Variants in GAB1 observed in about 807,000 individuals in gnomAD.
GAB1 encodes the protein GRB2-associated-binding protein 1.
GAB1 carries 19 observed loss-of-function variants against 66.5 expected under a neutral mutation model. That is an observed-to-expected ratio of 0.29 (90% confidence interval 0.20 to 0.42). GAB1 has a LOEUF of 0.42. Among genes scored for constraint, GAB1 ranks in the 10% least tolerant of loss-of-function variants. GAB1 has a pLI of 1.00. For missense variants in GAB1, 732 were observed against 858.5 expected, an observed-to-expected ratio of 0.85 and a Z score of 1.84; for synonymous variants, 294 against 301.4, an observed-to-expected ratio of 0.98 and a Z score of 0.25.
chr4:143,350,036 C>T, intron 1 of GAB1: 1 of 1,552,776 alleles, frequency 6.4e-7, no homozygotes, highest in Non-Finnish European at 8.7e-7. Context: ...CTGCCGAAAC[C>T]TCCGCGGAAG....
At chr4:143,354,157 A>G (rs1397845608) in intron 1 of GAB1, among the ~76,000 whole-genome samples, 1 of 152,180 alleles carries the variant, frequency 6.6e-6, no homozygotes, top group Non-Finnish European at 1.5e-5. Flanking sequence ...CACTTTGAAG[A>G]CTGGGCTCAG....
intron 1 of GAB1, among the ~76,000 whole-genome samples, chr4:143,398,665 G>T (rs1731585423): frequency 6.6e-6 from 1 of 151,746 alleles, no homozygotes; most frequent in Middle Eastern, 3.4e-3. Flanking sequence ...GGGGTAGGTG[G>T]GTGAGGGGGT....
intron 1 of GAB1, among the ~76,000 whole-genome samples, chr4:143,394,476 A>G (rs1415646849): frequency 1.3e-5 from 2 of 152,182 alleles, no homozygotes; most frequent in Admixed American, 1.3e-4. Flanking sequence ...GCAGAAATAA[A>G]TTTTTATCAT....
At chr4:143,390,797 C>G (rs1404664257) in intron 1 of GAB1, among the ~76,000 whole-genome samples, 1 of 152,050 alleles carries the variant, frequency 6.6e-6, no homozygotes, top group Non-Finnish European at 1.5e-5. Context: ...ATTCAGGCAC[C>G]CAGATTTCTT....
At chr4:143,426,073 A>G (rs1438503575) in intron 2 of GAB1, 15 of 558,840 alleles carry the variant, frequency 2.7e-5, no homozygotes. Context: ...TGAAGACTTG[A>G]CATTACATGG....
intron 1 of GAB1, among the ~76,000 whole-genome samples, chr4:143,410,144 T>A (rs1288415339): frequency 6.6e-6 from 1 of 152,024 alleles, no homozygotes; most frequent in Non-Finnish European, 1.5e-5. Flanking sequence ...TCTGATCTTC[T>A]CTCTTGCCTG....
chr4:143,407,126 CTA>C (rs1732089113), intron 1 of GAB1, among the ~76,000 whole-genome samples: 1 of 152,140 alleles, frequency 6.6e-6, no homozygotes, highest in Non-Finnish European at 1.5e-5. Flanking sequence ...AACCTTGAAA[CTA>C]TACAATATTA....
intron 1 of GAB1, among the ~76,000 whole-genome samples, chr4:143,402,271 T>G (rs1342684278): frequency 6.6e-6 from 1 of 152,228 alleles, no homozygotes; most frequent in Non-Finnish European, 1.5e-5. Flanking sequence ...TCCAGGTTGA[T>G]TGAAGCATTA....
intron 1 of GAB1, among the ~76,000 whole-genome samples, chr4:143,412,644 G>T (rs1028501719): frequency 2.0e-5 from 3 of 152,170 alleles, no homozygotes; most frequent in Non-Finnish European, 4.4e-5. Flanking sequence ...CTAAAACTAT[G>T]CTATTAGTTT....
chr4:143,383,731 A>G (rs1247541435), intron 1 of GAB1, among the ~76,000 whole-genome samples: 3 of 152,180 alleles, frequency 2.0e-5, no homozygotes, highest in Non-Finnish European at 4.4e-5. Context: ...TCTTTTAAAT[A>G]TCTGCATAGT....
rs544760402 is a variant in GAB1 at position 143,466,954 on chromosome 4, C to T, written c.1926+729C>T. On this transcript the variant is annotated intron_variant, in intron 9 of 9. Transcript: ENST00000262994. The stretch of plus-strand genomic sequence containing the variant: ...CTTATTATATAACAATGTTTATTTA[C>T]ATTTTCCTACATGTTGACCAGCTTC... 3.1e-4 allele frequency among the ~76,000 whole-genome samples: 47 copies of T among 152,286 alleles called. 1 individual carries two copies. In the South Asian group the frequency reaches 8.9e-3, roughly 29 times the overall value.
rs55654321 is a variant in GAB1 at position 143,459,359 on chromosome 4, ATCTCTTTT to A, written c.1586-14_1586-7del. 825 of 1,371,622 alleles carry A rather than the reference ATCTCTTTT, an allele frequency of 6.0e-4. No individual in the cohort carries two copies. Among genetic ancestry groups the A allele is most frequent in the Non-Finnish European group, 8.2e-4 (790 of 961,378 alleles). The allele number at this position is 1,371,622 out of a possible 1,614,324, so 85.0% of individuals were successfully genotyped here. A position where few individuals can be genotyped will look rare whatever the true frequency, so the allele number is the denominator to read the frequency against. ...TTTTCCAAAGTTCTGTATACTAAAA[ATCTCTTTT>A]TCTCTTTTTCTTTTCAGTCAAGCCA... On this transcript the variant is annotated intron_variant, in intron 6 of 9. Coordinates refer to ENST00000262994, the MANE Select transcript of GAB1 (RefSeq NM_002039.4).
At position 143,378,620 on chromosome 4, in the gene GAB1, T is replaced by G. The variant is rs558255594; in HGVS notation, c.73-36857T>G. The stretch of plus-strand genomic sequence containing the variant: ...CTTTTTTGTGACAGCCTATTGGAAC[T>G]TCCAAAGTGTCTCTCTCTCTCTCTC... On this transcript the variant is annotated intron_variant, in intron 1 of 9. Transcript: ENST00000262994. Among the ~76,000 whole-genome samples, 143 of 146,734 alleles carry G rather than the reference T, an allele frequency of 9.7e-4. 9 individuals are homozygous for G. The South Asian group carries it at 0.031, about 32-fold the overall frequency.
At chr4:143,373,868 A>AATAAATAAATAAAT in intron 1 of GAB1, among the ~76,000 whole-genome samples, 3 of 93,670 alleles carry the variant, frequency 3.2e-5, no homozygotes, top group African/African-American at 4.6e-5. Context: ...TAAATAAATA[A>AATAAATAAATAAAT]ATATATATAT....
intron 1 of GAB1, among the ~76,000 whole-genome samples, chr4:143,411,532 C>T (rs1469298488): frequency 6.6e-6 from 1 of 152,160 alleles, no homozygotes; most frequent in Admixed American, 6.5e-5. Context: ...GAAAGCCTGT[C>T]CTTTTTGTCT....
chr4:143,389,221 G>A (rs1731064467), intron 1 of GAB1, among the ~76,000 whole-genome samples: 1 of 152,170 alleles, frequency 6.6e-6, no homozygotes, highest in Admixed American at 6.5e-5. Flanking sequence ...TCCTTCCTCT[G>A]TCTTTTTAAC....
chr4:143,348,188 T>C (rs190379937), intron 1 of GAB1, among the ~76,000 whole-genome samples: 1 of 152,384 alleles, frequency 6.6e-6, no homozygotes, highest in East Asian at 1.9e-4. Flanking sequence ...GGATGTTTTC[T>C]GACCTTTAAA....
In GAB1 at chr4:143,337,110, G is replaced by T. The variant is rs1262490903; in HGVS notation, c.-79G>T. The T allele has an allele frequency of 2.3e-6, 3 of 1,310,964 alleles. No individual in the cohort carries two copies. The highest frequency in any genetic ancestry group is 1.9e-4 in the Middle Eastern group (1 of 5,332). The allele number at this position is 1,310,964 out of a possible 1,614,324, so 81.2% of individuals were successfully genotyped here. On this transcript the variant is annotated 5_prime_UTR_variant, in exon 1 of 10. Transcript: ENST00000262994. ...GAGAGCTAGGTTCTCGCCACTGCGC[G>T]CTCGGCAGGCGTCGGCTGTGTCGGG...
intron 1 of GAB1, among the ~76,000 whole-genome samples, chr4:143,346,547 G>T (rs1235930538): frequency 6.6e-6 from 1 of 152,170 alleles, no homozygotes; most frequent in Admixed American, 6.5e-5. Flanking sequence ...ACTTTTGTAA[G>T]AGAGATACTA....
Sources: allele counts gnomAD v4.1 joint callset (sites outside exome capture counted in the v4.1 genomes callset), GRCh38; gene constraint gnomAD v4.1.1; transcripts MANE v1.5; gene names NCBI Gene and HGNC (gene_info 2026-07-23, HGNC 2026-07-21).